The following DENND5B variants were observed in gnomAD, a reference collection of about 807,000 sequenced individuals.
DENND5B encodes the protein DENN domain containing 5B, also known as DENN domain-containing protein 5B.
DENND5B carries 34 observed loss-of-function variants against 140.6 expected under a neutral mutation model. The observed-to-expected ratio is 0.24, with a 90% CI of 0.18 to 0.32. DENND5B has a LOEUF of 0.32. Among genes scored for constraint, DENND5B ranks in the 10% least tolerant of loss-of-function variants. DENND5B has a pLI of 1.00. For missense variants in DENND5B, 1,142 were observed against 1,560.2 expected, an observed-to-expected ratio of 0.73 and a Z score of 4.52; for synonymous variants, 551 against 562.1, an observed-to-expected ratio of 0.98 and a Z score of 0.28.
At chr12:31,564,314 C>T (rs775105381) in intron 1 of DENND5B, among the ~76,000 whole-genome samples, 3 of 151,852 alleles carry the variant, frequency 2.0e-5, no homozygotes, top group Admixed American at 1.3e-4. Context: ...CAACAAGAAA[C>T]AAAACAAGAG....
intron 17 of DENND5B, among the ~76,000 whole-genome samples, chr12:31,393,932 C>T (rs754691357): frequency 6.6e-6 from 1 of 152,092 alleles, no homozygotes; most frequent in Non-Finnish European, 1.5e-5. Flanking sequence ...TCAGGTGATC[C>T]GCCCACCTCA....
chr12:31,469,664 G>C (rs1231256659), intron 3 of DENND5B, among the ~76,000 whole-genome samples: 1 of 152,146 alleles, frequency 6.6e-6, no homozygotes, highest in African/African-American at 2.4e-5. Flanking sequence ...GTTTGGACAT[G>C]GTTTGTTGGC....
intron 3 of DENND5B, among the ~76,000 whole-genome samples, chr12:31,466,547 G>T (rs1195495920): frequency 6.6e-6 from 1 of 152,014 alleles, no homozygotes; most frequent in Non-Finnish European, 1.5e-5. Flanking sequence ...ACAAAAATTA[G>T]CTGGGCATGG....
intron 17 of DENND5B, among the ~76,000 whole-genome samples, chr12:31,395,763 T>C (rs141489995): frequency 2.0e-3 from 308 of 152,196 alleles, no homozygotes; most frequent in African/African-American, 6.6e-3. Context: ...TTATAATCTA[T>C]AGATAAAAAG....
At position 31,524,067 on chromosome 12, in the gene DENND5B, T is replaced by A. The variant is rs570944361; in HGVS notation, c.128-28148A>T. On this transcript the variant is annotated intron_variant, in intron 1 of 20. Coordinates refer to ENST00000389082, the MANE Select transcript of DENND5B (RefSeq NM_144973.4). ...TTTTTTTTTTTTTTTTTTTTTTAGATCATGTCATAGAAACATTGGTGGCAC... is the reference window on the plus strand; with the variant it reads ...TTTTTTTTTTTTTTTTTTTTTTAGAACATGTCATAGAAACATTGGTGGCAC... 1.6e-4 allele frequency among the ~76,000 whole-genome samples: 23 copies of A among 148,134 alleles called. No individual in the cohort carries two copies. The South Asian group carries it at 4.9e-3, about 32-fold the overall frequency.
intron 17 of DENND5B, among the ~76,000 whole-genome samples, chr12:31,395,923 A>G (rs1315669791): frequency 2.2e-5 from 3 of 137,478 alleles, no homozygotes; most frequent in Non-Finnish European, 3.0e-5. Flanking sequence ...CAGAAGTCAA[A>G]ATTTAGTTAT....
At chr12:31,453,495 C>T (rs1944631102) in intron 4 of DENND5B, among the ~76,000 whole-genome samples, 1 of 152,132 alleles carries the variant, frequency 6.6e-6, no homozygotes. Flanking sequence ...CTCTCTTAAT[C>T]AGGACAAGGT....
chr12:31,452,522 T>C (rs748284111), intron 4 of DENND5B, 46 bp from the exon 5 acceptor site: 32 of 1,529,832 alleles, frequency 2.1e-5, no homozygotes, highest in Admixed American at 1.9e-4. Context: ...AAAGGAATTG[T>C]ATGTGCTAAC....
chr12:31,416,116 C>T (rs574578305), intron 11 of DENND5B, among the ~76,000 whole-genome samples: 25 of 151,836 alleles, frequency 1.6e-4, no homozygotes, highest in Non-Finnish European at 2.5e-4. Context: ...GAATTACAAG[C>T]GTGAGCCACC....
At position 31,451,372 on chromosome 12, in the gene DENND5B, G is replaced by A. The variant is rs983909366; in HGVS notation, c.1629+568C>T. On this transcript the variant is annotated intron_variant, in intron 5 of 20. Transcript: ENST00000389082. ...GGAGTCTCTCTCTGTTGCCCAGGCC[G>A]GAGTACAGTGGCGCTATCTTGGCTC... Among the ~76,000 whole-genome samples the A allele has an allele frequency of 1.1e-4, 16 of 151,970 alleles. No individual in the cohort carries two copies. In the South Asian group the frequency reaches 1.5e-3, roughly 14 times the overall value.
At chr12:31,512,299 G>C (rs892266205) in intron 1 of DENND5B, among the ~76,000 whole-genome samples, 8 of 150,678 alleles carry the variant, frequency 5.3e-5, no homozygotes, top group Non-Finnish European at 1.2e-4. Flanking sequence ...CTGTAGCTTG[G>C]ACCTCATGGG....
At position 31,492,428 on chromosome 12, in the gene DENND5B, G is replaced by A. The variant is rs1404639179; in HGVS notation, c.237+3382C>T. Among the ~76,000 whole-genome samples, 9 of 152,064 alleles carry A rather than the reference G, an allele frequency of 5.9e-5. 1 individual carries two copies. Among genetic ancestry groups the A allele is most frequent in the Non-Finnish European group, 1.0e-4 (7 of 68,024 alleles). On this transcript the variant is annotated intron_variant, in intron 2 of 20. Coordinates refer to ENST00000389082, the MANE Select transcript of DENND5B (RefSeq NM_144973.4). ...ATAGTAAGAACGTACTTGTACCCAGGCCCCAGTGATCCTCCCACCTCAGCC... is the reference window on the plus strand; with the variant it reads ...ATAGTAAGAACGTACTTGTACCCAGACCCCAGTGATCCTCCCACCTCAGCC...
Position 31,479,656 on chromosome 12 carries a change from T to C in DENND5B, c.837A>G (p.Gly279=), listed in dbSNP as rs765980324. ...YPLREAFELL[G]LENLVQVFTC... ...TAAACACCTGCACCAGGTTCTCTAA[T>C]CCCAGGAGCTCAAATGCCTCCCGAA... is the stretch of plus-strand genomic sequence containing the variant. Residue 279 remains glycine (G), a synonymous_variant, in exon 3 of 21, where the codon GGA becomes GGG. Transcript: ENST00000389082. 1 of 1,564,216 alleles carries C rather than the reference T, an allele frequency of 6.4e-7. No individual in the cohort carries two copies.
At position 31,387,003 on chromosome 12, in the gene DENND5B, C is replaced by G. The variant is rs1008468354; in HGVS notation, c.*600G>C. ...CTCCAATTATATCATCTTGTGCGGA[C>G]TGAAATTTTTTTCCAAAAGACTGGA... On this transcript the variant is annotated 3_prime_UTR_variant, in exon 21 of 21. Coordinates refer to ENST00000389082, the MANE Select transcript of DENND5B (RefSeq NM_144973.4). The G allele has an allele frequency of 6.6e-6, 1 of 152,166 alleles. No individual in the cohort carries two copies. Among genetic ancestry groups the G allele is most frequent in the Admixed American group, 6.5e-5 (1 of 15,268 alleles). The allele number at this position is 152,166 out of a possible 1,614,324, so 9.4% of individuals were successfully genotyped here. A position where few individuals can be genotyped will look rare whatever the true frequency, so the allele number is the denominator to read the frequency against.
intron 1 of DENND5B, chr12:31,590,131 G>C (rs1950559811): frequency 6.6e-6 from 1 of 152,280 alleles, no homozygotes; most frequent in African/African-American, 2.4e-5. Flanking sequence ...TGACTTGGCC[G>C]GCACCGCAGA....
At chr12:31,565,983 A>G (rs1949611801) in intron 1 of DENND5B, among the ~76,000 whole-genome samples, 1 of 151,984 alleles carries the variant, frequency 6.6e-6, no homozygotes, top group Non-Finnish European at 1.5e-5. Context: ...CTCTAGAAAA[A>G]AAAATATAAA....
At chr12:31,523,118 G>C (rs1947960898) in intron 1 of DENND5B, among the ~76,000 whole-genome samples, 1 of 151,284 alleles carries the variant, frequency 6.6e-6, no homozygotes, top group Non-Finnish European at 1.5e-5. Context: ...GAGTGCAGTG[G>C]CGTGATCTCG....
intron 1 of DENND5B, among the ~76,000 whole-genome samples, chr12:31,571,046 G>A (rs3803113): frequency 0.57 from 85,967 of 151,852 alleles, 24,898 homozygotes; most frequent in East Asian, 0.82. Context: ...GGCTGCAAGT[G>A]CCAGCACTGA....
intron 7 of DENND5B, among the ~76,000 whole-genome samples, chr12:31,439,870 C>T (rs1029180232): frequency 1.7e-5 from 2 of 117,622 alleles, no homozygotes; most frequent in Admixed American, 1.3e-4. Context: ...GTGGAGGTTG[C>T]GGTGAGCTGA....
Sources: allele counts gnomAD v4.1 joint callset (sites outside exome capture counted in the v4.1 genomes callset), GRCh38; gene constraint gnomAD v4.1.1; transcripts MANE v1.5; gene names NCBI Gene and HGNC (gene_info 2026-07-23, HGNC 2026-07-21).